SLC12A5: variants seen among roughly 807,000 people sequenced by gnomAD.
The protein encoded by SLC12A5 is solute carrier family 12 member 5, also known as K-Cl cotransporter 2.
In SLC12A5, 18 loss-of-function variants were observed where a neutral mutation model predicts 124.0. That is an observed-to-expected ratio of 0.15 (90% CI 0.10 to 0.22). The LOEUF is 0.22. Ranked by LOEUF, SLC12A5 falls within the 10% of genes least tolerant of loss-of-function variation. The probability of loss-of-function intolerance (pLI) is 1.00; values close to 1 mark genes in which losing one functional copy is unlikely to be tolerated. For missense variants in SLC12A5, 867 were observed against 1,478.7 expected (o/e 0.59, Z 6.78); for synonymous variants, 589 against 568.0 (o/e 1.04, Z -0.53).
intron 1 of SLC12A5, chr20:46,022,148 G>A (rs1332315061): frequency 6.9e-5 from 25 of 361,642 alleles, no homozygotes; most frequent in Non-Finnish European, 1.1e-4. Flanking sequence ...GGGTTTGGAC[G>A]GAGGCGAAGG....
At chr20:46,055,682 G>A (rs1341822758) in intron 21 of SLC12A5, among the ~76,000 whole-genome samples, 1 of 152,096 alleles carries the variant, frequency 6.6e-6, no homozygotes, top group Non-Finnish European at 1.5e-5. Context: ...ACACATGAGG[G>A]TAATAGAACC....
At chr20:46,046,120 A>G (rs2084593203) in intron 13 of SLC12A5, 124 bp downstream of exon 13, 2 of 912,282 alleles carry the variant, frequency 2.2e-6, no homozygotes, top group Non-Finnish European at 3.5e-6. Flanking sequence ...CCCATTGGTC[A>G]TAGAAGCCCA....
intron 2 of SLC12A5, 179 bp from the exon 3 acceptor site, chr20:46,035,225 C>T (rs890065242): frequency 2.0e-6 from 2 of 988,196 alleles, no homozygotes; most frequent in Admixed American, 2.0e-5. Context: ...TGCTCCCTGC[C>T]CTCTCCTCAT....
exon 2 of SLC12A5, chr20:46,023,007 G>GGAGAAGGAGGAAGAGGAGGAGGAA: frequency 5.2e-6 from 2 of 384,388 alleles, no homozygotes; most frequent in African/African-American, 4.3e-5. Context: ...AGGAGGAAGA[G>GGAGAAGGAGGAAGAGGAGGAGGAA]GAGGAGGAGG....
At chr20:46,035,253 T>C in intron 2 of SLC12A5, 151 bp from the exon 3 acceptor site, 1 of 1,081,822 alleles carries the variant, frequency 9.2e-7, no homozygotes. Context: ...TTCTTACCCC[T>C]GTTCTCCTCA....
rs558998527 is a variant in SLC12A5, at chr20:46,059,660, C to T, written c.*2055C>T. Reference sequence around the variant, plus strand: ...AAACAGACATCCCACAACAAAAACCCAAGTTTTCTGTGCTACATGTGCAAT... The same window carrying T: ...AAACAGACATCCCACAACAAAAACCTAAGTTTTCTGTGCTACATGTGCAAT... On this transcript the variant is annotated 3_prime_UTR_variant, in exon 26 of 26. Transcript: ENST00000243964. 3 of 398,930 alleles carry T rather than the reference C, an allele frequency of 7.5e-6. No individual in the cohort carries two copies. Among genetic ancestry groups the T allele is most frequent in the African/African-American group, 2.1e-5 (1 of 48,624 alleles). The allele number at this position is 398,930 out of a possible 1,614,324, so 24.7% of individuals were successfully genotyped here. A position where few individuals can be genotyped will look rare whatever the true frequency, so the allele number is the denominator to read the frequency against.
intron 6 of SLC12A5, among the ~76,000 whole-genome samples, chr20:46,040,005 C>T (rs547717326): frequency 1.3e-5 from 2 of 152,080 alleles, no homozygotes; most frequent in African/African-American, 4.8e-5. Context: ...TTGCTTCCAG[C>T]ATCCTTGCAA....
chr20:46,044,075 ATCT>A, intron 11 of SLC12A5, 142 bp downstream of exon 11: 2 of 664,532 alleles, frequency 3.0e-6, no homozygotes, highest in South Asian at 2.2e-5. Context: ...TTGCAAAGTC[ATCT>A]TCTTATATTT....
intron 13 of SLC12A5, 82 bp downstream of exon 13, chr20:46,046,078 C>A: frequency 2.3e-6 from 3 of 1,320,214 alleles, no homozygotes; most frequent in Non-Finnish European, 3.3e-6. Context: ...TGTGACAACC[C>A]ACCCAGACAC....
chr20:46,038,071 G>A (rs1190420694), intron 6 of SLC12A5, among the ~76,000 whole-genome samples: 1 of 152,202 alleles, frequency 6.6e-6, no homozygotes, highest in African/African-American at 2.4e-5. Context: ...AGGTGTCCCT[G>A]GTGGATAGGA....
intron 5 of SLC12A5, 52 bp downstream of exon 5, chr20:46,036,847 A>T: frequency 6.2e-7 from 1 of 1,604,732 alleles, no homozygotes. Flanking sequence ...GGAAGGAGGG[A>T]TAGTGCCCTG....
At chr20:46,047,412 C>G (rs2084605604) in intron 14 of SLC12A5, 42 bp from the exon 15 acceptor site, 1 of 1,605,464 alleles carries the variant, frequency 6.2e-7, no homozygotes. Context: ...TCAGCAACAG[C>G]CCTGCTGGGG....
chr20:46,046,041 C>T (rs1223635322), intron 13 of SLC12A5, 45 bp downstream of exon 13: 1 of 1,563,038 alleles, frequency 6.4e-7, no homozygotes. Flanking sequence ...CAGGGTGTTT[C>T]TCTATCTGAA....
At chr20:46,029,554 A>G (rs1438443597) in intron 1 of SLC12A5, among the ~76,000 whole-genome samples, 158 bp downstream of exon 1, 1 of 151,906 alleles carries the variant, frequency 6.6e-6, no homozygotes, top group Non-Finnish European at 1.5e-5. Context: ...CTCCATTGGA[A>G]TGCTCCGGGC....
At chr20:46,052,889 T>G in intron 18 of SLC12A5, 68 bp from the exon 19 acceptor site, 1 of 1,492,560 alleles carries the variant, frequency 6.7e-7, no homozygotes, top group East Asian at 2.4e-5. Context: ...CCCTTGTGGC[T>G]GCTGCTGGGT....
At chr20:46,028,825 C>T (rs1198448957), upstream of SLC12A5, among the ~76,000 whole-genome samples, 1 of 152,178 alleles carries the variant, frequency 6.6e-6, no homozygotes, top group East Asian at 1.9e-4. Flanking sequence ...GTCAAGCAGC[C>T]GCTGCGGGGC....
intron 1 of SLC12A5, among the ~76,000 whole-genome samples, chr20:46,029,902 GTA>G (rs1568856036): frequency 3.8e-5 from 3 of 79,130 alleles, no homozygotes; most frequent in Non-Finnish European, 8.9e-5. Context: ...GCGCGCGTGC[GTA>G]TGTGTGTGTG....
intron 20 of SLC12A5, among the ~76,000 whole-genome samples, chr20:46,054,593 T>C (rs567491050): frequency 6.6e-6 from 1 of 152,364 alleles, no homozygotes; most frequent in East Asian, 1.9e-4. Context: ...TTCATCGCTT[T>C]GTTCTTTTTC....
intron 5 of SLC12A5, 37 bp from the exon 6 acceptor site, chr20:46,037,218 C>T (rs1163564052): frequency 1.3e-5 from 21 of 1,566,294 alleles, no homozygotes; most frequent in Middle Eastern, 1.8e-4. Flanking sequence ...AGCCCAGTGC[C>T]CCCGACCCTC....
Sources: gnomAD v4.1 joint callset for allele counts (sites outside exome capture counted in the v4.1 genomes callset) on GRCh38, gnomAD v4.1.1 for gene constraint, MANE v1.5 for transcripts, NCBI Gene and HGNC (gene_info 2026-07-23, HGNC 2026-07-21) for gene names.